MARCHF3: variants seen among roughly 807,000 people sequenced by gnomAD.
MARCHF3 encodes membrane associated ring-CH-type finger 3.
Under a neutral mutation model 24.2 loss-of-function variants are expected in MARCHF3, and 13 were observed. The ratio of observed to expected loss-of-function variants is 0.54; its 90% CI spans 0.35 to 0.85. MARCHF3 has a LOEUF of 0.85. Among genes scored for constraint, MARCHF3 ranks in the 40% least tolerant of loss-of-function variants. MARCHF3 has a pLI of 0.01. For synonymous variants in MARCHF3, 144 were observed against 137.3 expected, an observed-to-expected ratio of 1.05 and a Z score of -0.34; for missense variants, 276 against 325.0, an observed-to-expected ratio of 0.85 and a Z score of 1.16.
intron 1 of MARCHF3, among the ~76,000 whole-genome samples, chr5:126,980,613 C>T (rs952883455): frequency 2.0e-5 from 3 of 152,134 alleles, no homozygotes; most frequent in Admixed American, 6.5e-5. Flanking sequence ...TCATGATCTG[C>T]CCGCCCCAGC....
In MARCHF3 at chr5:126,870,476, C is replaced by T. The variant is rs551765745; in HGVS notation, c.*157G>A. On this transcript the variant is annotated 3_prime_UTR_variant, in exon 5 of 5. Transcript: ENST00000308660. ...TAAAACAGCATTTGCTTTCTTCTGG[C>T]GGAGGTTGTTGCTTGGAGTGATGTG... The T allele has an allele frequency of 4.0e-5, 23 of 576,286 alleles. No individual in the cohort carries two copies. The highest frequency in any genetic ancestry group is 6.2e-5 in the Admixed American group (2 of 32,160). 35.7% of individuals were successfully genotyped at this position (576,286 alleles called of 1,614,324 possible). A position where few individuals can be genotyped will look rare whatever the true frequency, so the allele number is the denominator to read the frequency against.
intron 3 of MARCHF3, among the ~76,000 whole-genome samples, chr5:126,896,078 G>GCCGT (rs1753894115): frequency 6.6e-6 from 1 of 152,172 alleles, no homozygotes; most frequent in African/African-American, 2.4e-5. Flanking sequence ...TTTTCCAGGT[G>GCCGT]CCGTCCGTCA....
At chr5:126,888,401 G>A (rs549847249) in intron 3 of MARCHF3, among the ~76,000 whole-genome samples, 13 of 152,168 alleles carry the variant, frequency 8.5e-5, no homozygotes, top group Non-Finnish European at 1.9e-4. Flanking sequence ...TTAAACAAAT[G>A]CTACACACAC....
chr5:126,928,587 TTTG>T (rs1749373029), intron 1 of MARCHF3, among the ~76,000 whole-genome samples: 1 of 152,172 alleles, frequency 6.6e-6, no homozygotes, highest in South Asian at 2.1e-4. Context: ...CTGAGAGAGA[TTTG>T]TTATTTTTTT....
At chr5:126,954,713 C>T (rs182537633) in intron 1 of MARCHF3, among the ~76,000 whole-genome samples, 3 of 149,908 alleles carry the variant, frequency 2.0e-5, no homozygotes, top group Admixed American at 6.7e-5. Context: ...ATAAATAGAG[C>T]GCACTCATGC....
chr5:127,011,769 G>A (rs943387503), intron 1 of MARCHF3, among the ~76,000 whole-genome samples: 1 of 152,128 alleles, frequency 6.6e-6, no homozygotes, highest in East Asian at 1.9e-4. Context: ...CAAACACCAG[G>A]TGAATCTACA....
In MARCHF3 at chr5:126,907,718, G is replaced by C. The variant is rs1754352767; in HGVS notation, c.393+7212C>G. ...TTATTTTGAGCCTATGTGTGTCTCT[G>C]CACGTGAGATGGGTTTCCTGAATAC... On this transcript the variant is annotated intron_variant, in intron 3 of 4. Coordinates refer to ENST00000308660, the MANE Select transcript of MARCHF3 (RefSeq NM_178450.5). Among the ~76,000 whole-genome samples the C allele has an allele frequency of 4.1e-5, 6 of 146,292 alleles. 1 individual carries two copies. The highest frequency in any genetic ancestry group is 4.1e-4 in the Admixed American group (6 of 14,668).
intron 1 of MARCHF3, among the ~76,000 whole-genome samples, chr5:126,941,455 A>G (rs1580665417): frequency 6.8e-3 from 1 of 146 alleles, no homozygotes; most frequent in Non-Finnish European, 0.1. Flanking sequence ...TGATAAATAG[A>G]AAAAAAAAAA....
chr5:126,929,336 C>T (rs898427753), intron 1 of MARCHF3, among the ~76,000 whole-genome samples: 1 of 152,212 alleles, frequency 6.6e-6, no homozygotes, highest in Non-Finnish European at 1.5e-5. Flanking sequence ...ACTCTTGGTG[C>T]ATCACATCAG....
Position 126,915,209 on chromosome 5 carries a change from G to A in MARCHF3, c.189-75C>T. ...CCAAGTGGATGGCCCTCTAGCTCTT[G>A]TCCTTTGGGCCCTCCCCAGAGGCAG... is the stretch of plus-strand genomic sequence containing the variant. On this transcript the variant is annotated intron_variant, in intron 2 of 4. Coordinates refer to ENST00000308660, the MANE Select transcript of MARCHF3 (RefSeq NM_178450.5). 6.8e-6 allele frequency: 10 copies of A among 1,460,276 alleles called. No homozygotes were observed. The South Asian group carries it at 1.2e-4, about 18-fold the overall frequency. 90.5% of individuals were successfully genotyped at this position (1,460,276 alleles called of 1,614,324 possible).
chr5:126,877,097 T>A (rs1753186470), intron 4 of MARCHF3, among the ~76,000 whole-genome samples: 1 of 151,916 alleles, frequency 6.6e-6, no homozygotes, highest in African/African-American at 2.4e-5. Context: ...TGTATCTCCT[T>A]ACTGTTTGAA....
chr5:126,985,770 C>T (rs1751545535), intron 1 of MARCHF3, among the ~76,000 whole-genome samples: 1 of 152,184 alleles, frequency 6.6e-6, no homozygotes, highest in South Asian at 2.1e-4. Flanking sequence ...CCACTGCGCC[C>T]GGCCTACCTG....
chr5:126,922,434 A>G (rs1749138070), intron 1 of MARCHF3, among the ~76,000 whole-genome samples: 1 of 152,240 alleles, frequency 6.6e-6, no homozygotes, highest in Admixed American at 6.5e-5. Flanking sequence ...TGCCATGTAC[A>G]GAGAAGTTTG....
chr5:126,898,332 A>G (rs1181146671), intron 3 of MARCHF3, among the ~76,000 whole-genome samples: 1 of 152,092 alleles, frequency 6.6e-6, no homozygotes, highest in Non-Finnish European at 1.5e-5. Flanking sequence ...CATAAATTCT[A>G]TTATGTAGGT....
intron 3 of MARCHF3, among the ~76,000 whole-genome samples, chr5:126,881,692 CA>C (rs1314621784): frequency 1.3e-5 from 2 of 151,758 alleles, no homozygotes; most frequent in African/African-American, 4.8e-5. Context: ...GACATATTTA[CA>C]CAAAGACAGG....
At chr5:126,934,668 A>AAAGGAAGAAAGAATG (rs1401940113) in intron 1 of MARCHF3, among the ~76,000 whole-genome samples, 1 of 152,138 alleles carries the variant, frequency 6.6e-6, no homozygotes, top group Non-Finnish European at 1.5e-5. Context: ...AAGAAGATTG[A>AAAGGAAGAAAGAATG]AAGGAAGAAA....
intron 1 of MARCHF3, among the ~76,000 whole-genome samples, chr5:127,014,428 T>C (rs12653444): frequency 0.052 from 7,845 of 152,184 alleles, 385 homozygotes; most frequent in South Asian, 0.14. Flanking sequence ...ACAGAACTAC[T>C]GTACGATCCA....
At chr5:126,920,674 T>A (rs1439225357) in intron 1 of MARCHF3, among the ~76,000 whole-genome samples, 1 of 152,144 alleles carries the variant, frequency 6.6e-6, no homozygotes, top group Non-Finnish European at 1.5e-5. Context: ...GTAGTTAGGC[T>A]ACCCTCAGTG....
intron 1 of MARCHF3, among the ~76,000 whole-genome samples, chr5:126,926,037 A>ACT (rs1561431384): frequency 2.0e-5 from 3 of 151,996 alleles, no homozygotes; most frequent in Non-Finnish European, 4.4e-5. Flanking sequence ...GCTCACACAC[A>ACT]TTTTTTTTAA....
Sources: allele counts gnomAD v4.1 joint callset (sites outside exome capture counted in the v4.1 genomes callset), GRCh38; gene constraint gnomAD v4.1.1; transcripts MANE v1.5; gene names NCBI Gene and HGNC (gene_info 2026-07-23, HGNC 2026-07-21).